Variants in ACBD6 observed in about 807,000 individuals in gnomAD.
ACBD6 encodes acyl-CoA-binding domain-containing protein 6.
Under a neutral mutation model 37.2 loss-of-function variants are expected in ACBD6, and 28 were observed. That is an observed-to-expected ratio of 0.75 (90% confidence interval 0.56 to 1.03). The LOEUF (loss-of-function observed/expected upper bound fraction) is 1.03. Ranked by LOEUF, ACBD6 falls within the 50% of genes least tolerant of loss-of-function variation. The pLI is 0.00. For missense variants in ACBD6, 340 were observed against 337.4 expected, an observed-to-expected ratio of 1.01 and a Z score of -0.06; for synonymous variants, 113 against 126.8, an observed-to-expected ratio of 0.89 and a Z score of 0.73.
At chr1:180,456,937 T>A (rs1219345220) in intron 3 of ACBD6, among the ~76,000 whole-genome samples, 5 of 152,134 alleles carry the variant, frequency 3.3e-5, no homozygotes, top group Admixed American at 3.3e-4. Flanking sequence ...AGAATATTCA[T>A]CTTTACAAAC....
At chr1:180,335,810 G>A in intron 6 of ACBD6, among the ~76,000 whole-genome samples, 1 of 145,336 alleles carries the variant, frequency 6.9e-6, no homozygotes, top group Non-Finnish European at 1.6e-5. Flanking sequence ...TAAAGGGATG[G>A]AGGAAGATCT....
At chr1:180,336,680 G>A (rs1049592653) in intron 6 of ACBD6, among the ~76,000 whole-genome samples, 22 of 150,990 alleles carry the variant, frequency 1.5e-4, no homozygotes, top group Non-Finnish European at 2.4e-4. Context: ...AACTGAAGGA[G>A]ATAGAGACAC....
chr1:180,477,675 T>C (rs1327470510), intron 3 of ACBD6, among the ~76,000 whole-genome samples: 1 of 152,206 alleles, frequency 6.6e-6, no homozygotes, highest in Non-Finnish European at 1.5e-5. Context: ...AGGTTACTTT[T>C]TTACTAAAAT....
At chr1:180,500,591 GGCTGGGACAGGACAATC>G (rs1243901916) in intron 1 of ACBD6, among the ~76,000 whole-genome samples, 1 of 151,638 alleles carries the variant, frequency 6.6e-6, no homozygotes, top group East Asian at 1.9e-4. Context: ...CTACTCGGGA[GGCTGGGACAGGACAATC>G]GCTTGAACCG....
chr1:180,381,400 A>G (rs535309844), intron 6 of ACBD6, among the ~76,000 whole-genome samples: 109 of 152,362 alleles, frequency 7.2e-4, no homozygotes, highest in African/African-American at 2.5e-3. Flanking sequence ...TTTGTCCAAC[A>G]GCTACAAAAT....
At chr1:180,466,875 T>C (rs1650367822) in intron 3 of ACBD6, among the ~76,000 whole-genome samples, 1 of 152,092 alleles carries the variant, frequency 6.6e-6, no homozygotes, top group Non-Finnish European at 1.5e-5. Flanking sequence ...ATAATACATA[T>C]AAAGCATTTA....
At chr1:180,329,890 G>A (rs904281659) in intron 6 of ACBD6, among the ~76,000 whole-genome samples, 10 of 151,854 alleles carry the variant, frequency 6.6e-5, no homozygotes, top group South Asian at 2.1e-4. Flanking sequence ...TTCTGTTTCC[G>A]GACATTTGTC....
rs1181310043 is a variant in ACBD6 at position 180,271,701 on chromosome 1, G to A, written c.*1524C>T. 6.3e-6 allele frequency: 8 copies of A among 1,272,410 alleles called. No homozygotes were observed. In the Admixed American group the frequency reaches 1.2e-4, roughly 19 times the overall value. The allele number at this position is 1,272,410 out of a possible 1,614,324, so 78.8% of individuals were successfully genotyped here. A position where few individuals can be genotyped will look rare whatever the true frequency, so the allele number is the denominator to read the frequency against. ...TGAGGCCCACCTGGGGAGAGGGGGT[G>A]GGGCGCATCGCACTCCCAGACCTGT... On this transcript the variant is annotated 3_prime_UTR_variant, in exon 14 of 14. Coordinates refer to the ACBD6 transcript ENST00000642319.
At chr1:180,285,413 A>G (rs1282528319), downstream of ACBD6, among the ~76,000 whole-genome samples, 1 of 152,330 alleles carries the variant, frequency 6.6e-6, no homozygotes, top group Non-Finnish European at 1.5e-5. Flanking sequence ...AACTATGATG[A>G]AAACATTTGA....
chr1:180,491,974 T>TA (rs1300223557), intron 3 of ACBD6, among the ~76,000 whole-genome samples: 1 of 152,084 alleles, frequency 6.6e-6, no homozygotes, highest in Non-Finnish European at 1.5e-5. Flanking sequence ...CACGTCCAGC[T>TA]AATTTTTGTA....
At chr1:180,374,503 A>C (rs1653365145) in intron 6 of ACBD6, among the ~76,000 whole-genome samples, 1 of 152,230 alleles carries the variant, frequency 6.6e-6, no homozygotes, top group Admixed American at 6.5e-5. Flanking sequence ...GAGTGTTTTC[A>C]CAATTATCCA....
intron 3 of ACBD6, among the ~76,000 whole-genome samples, chr1:180,480,258 A>G (rs1650975438): frequency 7.6e-6 from 1 of 131,282 alleles, no homozygotes; most frequent in Non-Finnish European, 1.8e-5. Context: ...ACTCAAAACA[A>G]GGAGAATACA....
chr1:180,487,232 A>G (rs915595995), intron 3 of ACBD6, among the ~76,000 whole-genome samples: 6 of 152,164 alleles, frequency 3.9e-5, no homozygotes, highest in African/African-American at 1.4e-4. Flanking sequence ...GCTGATTTTG[A>G]TCATTATAGT....
At chr1:180,501,444 C>T (rs1347426700) in intron 1 of ACBD6, among the ~76,000 whole-genome samples, 1 of 152,188 alleles carries the variant, frequency 6.6e-6, no homozygotes, top group Non-Finnish European at 1.5e-5. Context: ...TCCGCCTCCT[C>T]AGCCTCCCGA....
At chr1:180,341,500 A>C (rs1464239213) in intron 6 of ACBD6, among the ~76,000 whole-genome samples, 1 of 152,132 alleles carries the variant, frequency 6.6e-6, no homozygotes, top group African/African-American at 2.4e-5. Context: ...TTGCATTATC[A>C]GTTTTCCCTA....
Position 180,430,218 on chromosome 1 carries a change from C to T in ACBD6, c.429G>A (p.Gly143=). 6.2e-7 allele frequency: 1 copy of T among 1,613,222 alleles called. No homozygotes were observed. The highest frequency in any genetic ancestry group is 8.5e-7 in the Non-Finnish European group (1 of 1,179,720). Residue 143 remains glycine (G), a synonymous_variant, in exon 4 of 8, where the codon GGG becomes GGA. Transcript: ENST00000367595. ...CATGATATAGAGAACTAATAACTGG[C>T]CCACCAAAACCTGTATTTGCTTCTT... The part of the protein sequence containing the change: ...KGKEANTGFG[G]PVISSLYHEE...
In ACBD6 at chr1:180,309,956, G is replaced by A. The variant is rs183442832; in HGVS notation, c.694+4736C>T. 4.9e-4 allele frequency among the ~76,000 whole-genome samples: 74 copies of A among 152,294 alleles called. 1 individual carries two copies. The highest frequency in any genetic ancestry group is 4.6e-4 in the Non-Finnish European group (31 of 68,032). On this transcript the variant is annotated intron_variant, in intron 7 of 7. Coordinates refer to ENST00000367595, the MANE Select transcript of ACBD6 (RefSeq NM_032360.4). ...CTATATAAACATGTTTGAGGAGTAA[G>A]TGATGTGAATGCTGTGGAAGGAGGT... is the stretch of plus-strand genomic sequence containing the variant.
intron 6 of ACBD6, among the ~76,000 whole-genome samples, chr1:180,385,436 A>G (rs1653811678): frequency 6.7e-6 from 1 of 150,260 alleles, no homozygotes; most frequent in Non-Finnish European, 1.5e-5. Flanking sequence ...TGTTTATAAG[A>G]GACATGCCTT....
chr1:180,469,570 G>C (rs1434934493), intron 3 of ACBD6, among the ~76,000 whole-genome samples: 1 of 152,106 alleles, frequency 6.6e-6, no homozygotes, highest in Non-Finnish European at 1.5e-5. Flanking sequence ...ATTCAATATA[G>C]ATGAAGAAAA....
Sources: gnomAD v4.1 joint callset for allele counts (sites outside exome capture counted in the v4.1 genomes callset) on GRCh38, gnomAD v4.1.1 for gene constraint, MANE v1.5 for transcripts, NCBI Gene and HGNC (gene_info 2026-07-23, HGNC 2026-07-21) for gene names.